Variants in EXOC4 observed in about 807,000 individuals in gnomAD.
EXOC4 encodes the protein SEC8-like 1.
In EXOC4, 71 loss-of-function variants were observed where a neutral mutation model predicts 107.2. That is an observed-to-expected ratio of 0.66 (90% CI 0.55 to 0.81). The LOEUF is 0.81. EXOC4 is among the 30% of genes least tolerant of loss of function. The pLI is 0.00. For missense variants in EXOC4, 1,108 were observed against 1,189.6 expected (o/e 0.93, Z 1.01); for synonymous variants, 456 against 441.2 (o/e 1.03, Z -0.42).
At chr7:133,285,177 A>G (rs556149109) in intron 2 of EXOC4, among the ~76,000 whole-genome samples, 5 of 152,278 alleles carry the variant, frequency 3.3e-5, no homozygotes, top group African/African-American at 1.2e-4. Flanking sequence ...AACTACACTA[A>G]TATGTACATC....
At chr7:133,695,656 G>A (rs1156680144) in intron 10 of EXOC4, among the ~76,000 whole-genome samples, 1 of 151,876 alleles carries the variant, frequency 6.6e-6, no homozygotes, top group Non-Finnish European at 1.5e-5. Context: ...TTTAAGTATT[G>A]GGGTAAAACC....
chr7:133,372,819 C>T (rs1796407021), intron 6 of EXOC4, among the ~76,000 whole-genome samples: 1 of 152,162 alleles, frequency 6.6e-6, no homozygotes, highest in South Asian at 2.1e-4. Flanking sequence ...TTTGAATACC[C>T]CAATATTTAC....
chr7:133,912,958 T>C (rs1338576750), intron 12 of EXOC4, among the ~76,000 whole-genome samples: 1 of 152,090 alleles, frequency 6.6e-6, no homozygotes, highest in Non-Finnish European at 1.5e-5. Context: ...TTCTAATCTT[T>C]AGTCAAGGTT....
intron 10 of EXOC4, among the ~76,000 whole-genome samples, chr7:133,723,493 T>TTTTG (rs10670766): frequency 0.99 from 149,165 of 151,008 alleles, 73,700 homozygotes; most frequent in Middle Eastern, 1. Flanking sequence ...TTTCTTTCTT[T>TTTTG]TTTGTTTGTT....
At chr7:133,407,142 C>T (rs1347410379) in intron 7 of EXOC4, among the ~76,000 whole-genome samples, 2 of 152,126 alleles carry the variant, frequency 1.3e-5, no homozygotes, top group Non-Finnish European at 2.9e-5. Context: ...TACCTGATCA[C>T]CCTGATCAGA....
chr7:133,345,567 A>G (rs566412834), intron 5 of EXOC4, among the ~76,000 whole-genome samples: 22 of 152,208 alleles, frequency 1.4e-4, no homozygotes, highest in Non-Finnish European at 8.8e-5. Context: ...CTTTCCTGTA[A>G]ACGAGATCAT....
chr7:133,504,400 A>G (rs1330372290), intron 9 of EXOC4, among the ~76,000 whole-genome samples: 1 of 152,146 alleles, frequency 6.6e-6, no homozygotes, highest in Non-Finnish European at 1.5e-5. Flanking sequence ...GAAGATTTTT[A>G]AAAGTACAGT....
At chr7:133,311,916 T>A (rs1324851539) in intron 4 of EXOC4, among the ~76,000 whole-genome samples, 1 of 152,138 alleles carries the variant, frequency 6.6e-6, no homozygotes, top group African/African-American at 2.4e-5. Flanking sequence ...CATAAGATGA[T>A]CAAAATCAAA....
At chr7:133,640,055 C>A (rs1045173427) in intron 10 of EXOC4, among the ~76,000 whole-genome samples, 11 of 151,982 alleles carry the variant, frequency 7.2e-5, no homozygotes, top group African/African-American at 2.7e-4. Context: ...ATGTATAAAT[C>A]TGTACACATA....
chr7:133,542,703 G>A (rs933939159), intron 9 of EXOC4, among the ~76,000 whole-genome samples: 4 of 151,970 alleles, frequency 2.6e-5, no homozygotes, highest in African/African-American at 9.7e-5. Context: ...CTTCATTTTG[G>A]GGGTATTGTC....
At chr7:133,257,366 G>GCA (rs35107499) in intron 1 of EXOC4, among the ~76,000 whole-genome samples, 38,125 of 149,762 alleles carry the variant, frequency 0.25, 4,892 homozygotes, top group African/African-American at 0.3. Context: ...TTACACACAC[G>GCA]CACACACACA....
At chr7:133,830,101 A>G (rs1797778454) in intron 11 of EXOC4, among the ~76,000 whole-genome samples, 1 of 152,206 alleles carries the variant, frequency 6.6e-6, no homozygotes, top group Non-Finnish European at 1.5e-5. Flanking sequence ...AGATAACTAC[A>G]CTTAAATGAG....
chr7:133,384,743 A>G (rs1796689702), intron 7 of EXOC4, among the ~76,000 whole-genome samples: 1 of 151,068 alleles, frequency 6.6e-6, no homozygotes, highest in African/African-American at 2.4e-5. Flanking sequence ...TTTAAAAAAA[A>G]AAAACGTTTT....
At chr7:133,493,065 A>G (rs1046435174) in intron 9 of EXOC4, among the ~76,000 whole-genome samples, 1 of 152,186 alleles carries the variant, frequency 6.6e-6, no homozygotes, top group Non-Finnish European at 1.5e-5. Flanking sequence ...AACTGTGAAT[A>G]TAATATACCT....
intron 17 of EXOC4, among the ~76,000 whole-genome samples, chr7:134,052,824 C>T (rs1795828480): frequency 6.6e-6 from 1 of 152,192 alleles, no homozygotes; most frequent in African/African-American, 2.4e-5. Flanking sequence ...AGAAGGATTA[C>T]AGATCACTAG....
chr7:133,633,132 T>C (rs186889316), intron 10 of EXOC4, among the ~76,000 whole-genome samples: 51 of 152,280 alleles, frequency 3.3e-4, no homozygotes, highest in African/African-American at 1.2e-3. Context: ...GGTAGCTGCA[T>C]GGGTTGCAAA....
At chr7:133,308,612 G>A (rs941302018) in intron 4 of EXOC4, among the ~76,000 whole-genome samples, 9 of 152,170 alleles carry the variant, frequency 5.9e-5, no homozygotes, top group African/African-American at 1.9e-4. Flanking sequence ...TCAGACAGAG[G>A]GGATCAGAAG....
intron 11 of EXOC4, among the ~76,000 whole-genome samples, chr7:133,859,077 T>A (rs1368699435): frequency 6.6e-6 from 1 of 152,194 alleles, no homozygotes; most frequent in African/African-American, 2.4e-5. Flanking sequence ...TCTACTTGTC[T>A]CGTTGTTTCT....
chr7:133,261,027 T>C (rs1184097913), intron 1 of EXOC4, among the ~76,000 whole-genome samples: 1 of 152,192 alleles, frequency 6.6e-6, no homozygotes, highest in Non-Finnish European at 1.5e-5. Flanking sequence ...ATTTTTATCT[T>C]AGATTATACT....
Sources: gnomAD v4.1 joint callset for allele counts (sites outside exome capture counted in the v4.1 genomes callset) on GRCh38, gnomAD v4.1.1 for gene constraint, MANE v1.5 for transcripts, NCBI Gene and HGNC (gene_info 2026-07-23, HGNC 2026-07-21) for gene names.